Variants in RBFOX1 observed in about 807,000 individuals in gnomAD.
The protein encoded by RBFOX1 is RNA binding fox-1 homolog 1, also known as RNA binding protein fox-1 homolog 1.
A neutral mutation model predicts 57.7 loss-of-function variants in RBFOX1; 8 were observed. That is an observed-to-expected ratio of 0.14 (90% CI 0.08 to 0.25). RBFOX1 has a LOEUF of 0.25. Among genes scored for constraint, RBFOX1 ranks in the 10% least tolerant of loss-of-function variants. The pLI, the probability that RBFOX1 is intolerant of heterozygous loss-of-function variation, is 1.00. For synonymous variants in RBFOX1, 326 were observed against 222.4 expected (o/e 1.47, Z -4.15); for missense variants, 611 against 548.5 (o/e 1.11, Z -1.14).
intron 2 of RBFOX1, among the ~76,000 whole-genome samples, chr16:6,452,182 C>A (rs1025338676): frequency 6.6e-5 from 10 of 150,442 alleles, no homozygotes; most frequent in African/African-American, 2.5e-4. Flanking sequence ...ATCCTTCCTT[C>A]CATGACTCCA....
chr16:6,684,967 C>G (rs1424459601), intron 3 of RBFOX1, among the ~76,000 whole-genome samples: 9 of 152,078 alleles, frequency 5.9e-5, no homozygotes, highest in Non-Finnish European at 1.3e-4. Context: ...ATCTCTTTGG[C>G]AGGTTGTATT....
chr16:6,227,594 T>TCC (rs2097427719), intron 1 of RBFOX1, among the ~76,000 whole-genome samples: 1 of 152,090 alleles, frequency 6.6e-6, no homozygotes, highest in African/African-American at 2.4e-5. Flanking sequence ...CCTTTCAGGC[T>TCC]TCCTCTTGCC....
chr16:5,914,102 T>A (rs1002931880), intron 4 of RBFOX1, among the ~76,000 whole-genome samples: 2 of 152,200 alleles, frequency 1.3e-5, no homozygotes, highest in African/African-American at 4.8e-5. Flanking sequence ...ACTTTCAAGC[T>A]GTGTTGTCTC....
chr16:5,403,534 T>C (rs1434845291), intron 1 of RBFOX1, among the ~76,000 whole-genome samples: 1 of 152,086 alleles, frequency 6.6e-6, no homozygotes, highest in African/African-American at 2.4e-5. Context: ...ACCTCCTCTT[T>C]CTGGGGTTTA....
intron 1 of RBFOX1, among the ~76,000 whole-genome samples, chr16:6,063,692 G>C (rs925901493): frequency 4.6e-5 from 7 of 152,102 alleles, no homozygotes; most frequent in African/African-American, 1.4e-4. Flanking sequence ...ATTAGCATGA[G>C]AAGTGGGGTC....
chr16:6,581,986 C>G (rs999747120), intron 2 of RBFOX1, among the ~76,000 whole-genome samples: 2 of 152,096 alleles, frequency 1.3e-5, no homozygotes, highest in African/African-American at 2.4e-5. Flanking sequence ...TTGGTTGTTG[C>G]AGTTGAAGGG....
At chr16:6,528,394 C>T (rs1030935021) in intron 2 of RBFOX1, among the ~76,000 whole-genome samples, 7 of 152,152 alleles carry the variant, frequency 4.6e-5, no homozygotes, top group Non-Finnish European at 8.8e-5. Context: ...TGGATAAGTC[C>T]ACCATCAATG....
chr16:7,400,683 G>A (rs1006126833), intron 4 of RBFOX1, among the ~76,000 whole-genome samples: 3 of 152,170 alleles, frequency 2.0e-5, no homozygotes, highest in Admixed American at 2.0e-4. Flanking sequence ...CTTGGATGAT[G>A]TCCACAGAGC....
intron 3 of RBFOX1, among the ~76,000 whole-genome samples, chr16:6,748,617 C>G (rs1274451221): frequency 6.6e-6 from 1 of 152,166 alleles, no homozygotes; most frequent in Non-Finnish European, 1.5e-5. Flanking sequence ...TATAATTACA[C>G]CACTGCACTC....
intron 3 of RBFOX1, among the ~76,000 whole-genome samples, chr16:6,941,956 C>A (rs1328310907): frequency 1.3e-5 from 2 of 152,104 alleles, no homozygotes; most frequent in African/African-American, 4.8e-5. Flanking sequence ...AGGATGGGCA[C>A]AATGGCTCAC....
chr16:6,117,755 C>T (rs889972095), intron 1 of RBFOX1, among the ~76,000 whole-genome samples: 2 of 152,212 alleles, frequency 1.3e-5, no homozygotes, highest in African/African-American at 4.8e-5. Flanking sequence ...GTTATAGCTG[C>T]ACAAAATGGA....
chr16:6,751,404 C>T (rs1196386670), intron 3 of RBFOX1, among the ~76,000 whole-genome samples: 1 of 152,082 alleles, frequency 6.6e-6, no homozygotes, highest in Non-Finnish European at 1.5e-5. Context: ...CTAGGAAGTT[C>T]CCTAAAGGAG....
At chr16:6,016,600 G>C (rs1355907395), upstream of RBFOX1, among the ~76,000 whole-genome samples, 2 of 152,196 alleles carry the variant, frequency 1.3e-5, no homozygotes, top group Non-Finnish European at 2.9e-5. Context: ...CAAAGTCCTT[G>C]TTCTTTTTAA....
intron 3 of RBFOX1, among the ~76,000 whole-genome samples, chr16:6,988,045 T>A (rs1485140367): frequency 6.6e-6 from 1 of 152,160 alleles, no homozygotes; most frequent in Admixed American, 6.5e-5. Context: ...ATGGAAATGC[T>A]ATTAGTTACC....
chr16:7,295,560 A>C (rs533685990), intron 4 of RBFOX1, among the ~76,000 whole-genome samples: 2 of 152,284 alleles, frequency 1.3e-5, no homozygotes, highest in Admixed American at 6.5e-5. Flanking sequence ...CTGAGGTTTT[A>C]AGAACTTGTA....
chr16:7,705,575 G>T (rs767464684), intron 14 of RBFOX1, among the ~76,000 whole-genome samples: 2 of 152,164 alleles, frequency 1.3e-5, no homozygotes, highest in African/African-American at 4.8e-5. Flanking sequence ...GATGAAGATT[G>T]AAAGAGGGAC....
At chr16:6,646,847 G>A (rs1306008509) in intron 2 of RBFOX1, among the ~76,000 whole-genome samples, 1 of 152,106 alleles carries the variant, frequency 6.6e-6, no homozygotes, top group African/African-American at 2.4e-5. Flanking sequence ...CTGACTCAGT[G>A]TCCGAAGTCA....
chr16:7,551,579 T>C (rs76308063), intron 5 of RBFOX1, among the ~76,000 whole-genome samples: 1,646 of 152,204 alleles, frequency 0.011, 10 homozygotes, highest in Non-Finnish European at 0.017. Flanking sequence ...ATGGGGGTGG[T>C]TTCAGAATGT....
intron 1 of RBFOX1, among the ~76,000 whole-genome samples, chr16:5,301,028 T>C (rs1214429365): frequency 6.6e-6 from 1 of 152,214 alleles, no homozygotes; most frequent in African/African-American, 2.4e-5. Flanking sequence ...CCTCTTGATA[T>C]CCACATCCTT....
Sources: allele counts gnomAD v4.1 joint callset (sites outside exome capture counted in the v4.1 genomes callset), GRCh38; gene constraint gnomAD v4.1.1; transcripts MANE v1.5; gene names NCBI Gene and HGNC (gene_info 2026-07-23, HGNC 2026-07-21).